RIT2: variants seen among roughly 807,000 people sequenced by gnomAD.
The protein encoded by RIT2 is GTP-binding protein Rit2.
RIT2 carries 24 observed loss-of-function variants against 23.7 expected under a neutral mutation model. The ratio of observed to expected loss-of-function variants is 1.01; its 90% CI spans 0.73 to 1.43. The LOEUF is 1.43. RIT2 is among the 40% of genes most tolerant of loss of function. The pLI, the probability that RIT2 is intolerant of heterozygous loss-of-function variation, is 0.00. For synonymous variants in RIT2, 107 were observed against 91.1 expected (o/e 1.17, Z -0.99); for missense variants, 236 against 266.9 (o/e 0.88, Z 0.81).
At chr18:43,089,647 G>A (rs527362277) in intron 1 of RIT2, among the ~76,000 whole-genome samples, 86 of 151,846 alleles carry the variant, frequency 5.7e-4, no homozygotes, top group African/African-American at 2.0e-3. Flanking sequence ...TATATTACAG[G>A]GCTACAGTAA....
intron 4 of RIT2, among the ~76,000 whole-genome samples, chr18:42,758,628 C>T (rs1331751442): frequency 1.3e-5 from 2 of 152,032 alleles, no homozygotes; most frequent in Admixed American, 6.6e-5. Flanking sequence ...ATTCTCCTGC[C>T]TCAGCCTCTC....
chr18:42,883,977 T>C (rs1377960768), intron 4 of RIT2, among the ~76,000 whole-genome samples: 2 of 152,270 alleles, frequency 1.3e-5, no homozygotes, highest in East Asian at 3.9e-4. Context: ...TTAAAAAGCT[T>C]AAAACATTTG....
intron 4 of RIT2, among the ~76,000 whole-genome samples, chr18:42,769,737 G>A (rs1913504545): frequency 6.6e-6 from 1 of 151,572 alleles, no homozygotes; most frequent in Non-Finnish European, 1.5e-5. Flanking sequence ...AAAGAAAGAT[G>A]TCTTACTTCC....
chr18:42,855,767 A>G (rs1317562707), intron 4 of RIT2, among the ~76,000 whole-genome samples: 4 of 152,218 alleles, frequency 2.6e-5, no homozygotes, highest in Admixed American at 6.5e-5. Context: ...TCTATTTTAT[A>G]TAGCATATAG....
chr18:42,928,735 T>C (rs778790875), intron 3 of RIT2, among the ~76,000 whole-genome samples: 36 of 151,972 alleles, frequency 2.4e-4, no homozygotes, highest in Non-Finnish European at 4.1e-4. Flanking sequence ...TTAAACTGGT[T>C]ATGTCAATTT....
intron 4 of RIT2, among the ~76,000 whole-genome samples, chr18:42,863,527 A>G (rs1313226317): frequency 1.3e-5 from 2 of 152,192 alleles, no homozygotes; most frequent in Non-Finnish European, 2.9e-5. Flanking sequence ...TTCACTAAAG[A>G]AAAACGATCT....
chr18:42,801,374 C>G (rs532452579), intron 4 of RIT2, among the ~76,000 whole-genome samples: 2 of 152,238 alleles, frequency 1.3e-5, no homozygotes, highest in Non-Finnish European at 1.5e-5. Flanking sequence ...AGCTCAGTTA[C>G]GTATCTATTC....
intron 2 of RIT2, among the ~76,000 whole-genome samples, chr18:42,987,357 T>C (rs1257501197): frequency 6.6e-6 from 1 of 152,158 alleles, no homozygotes; most frequent in Non-Finnish European, 1.5e-5. Flanking sequence ...ATTATTCCAT[T>C]GCCATGGGAA....
chr18:43,043,897 CA>C (rs1293558897), intron 1 of RIT2, among the ~76,000 whole-genome samples: 2 of 152,108 alleles, frequency 1.3e-5, no homozygotes, highest in African/African-American at 4.8e-5. Flanking sequence ...CACATATTTA[CA>C]AACATTTTCT....
At position 42,923,765 on chromosome 18, in the gene RIT2, T is replaced by C; in HGVS notation, c.235-2A>G. 6.5e-7 allele frequency: 1 copy of C among 1,548,524 alleles called. No homozygotes were observed. The highest frequency in any genetic ancestry group is 8.6e-7 in the Non-Finnish European group (1 of 1,159,262). ...CTCCCGCATGGCTGTGAATTCTGCC[T>C]GCAGGAAAAAAAAAAAAAAATTAGT... is the stretch of plus-strand genomic sequence containing the variant. On this transcript the variant is annotated splice_acceptor_variant, in intron 3 of 4. Transcript: ENST00000326695. LOFTEE classifies it high-confidence loss of function.
intron 2 of RIT2, among the ~76,000 whole-genome samples, chr18:43,006,453 T>G (rs969037353): frequency 6.6e-6 from 1 of 151,502 alleles, no homozygotes; most frequent in Admixed American, 6.6e-5. Flanking sequence ...TTAAATGAGT[T>G]AAAATGCATT....
chr18:43,055,488 G>C (rs1382495566), intron 1 of RIT2, among the ~76,000 whole-genome samples: 2 of 152,024 alleles, frequency 1.3e-5, no homozygotes, highest in African/African-American at 4.8e-5. Context: ...AATCAAAAGA[G>C]GGTGCCCATG....
At chr18:42,984,263 AGT>A (rs1263555278) in intron 2 of RIT2, among the ~76,000 whole-genome samples, 1 of 152,094 alleles carries the variant, frequency 6.6e-6, no homozygotes, top group African/African-American at 2.4e-5. Context: ...CAGGCAATAA[AGT>A]GTGTGCATCT....
chr18:42,956,602 T>A (rs1909975726), intron 3 of RIT2, among the ~76,000 whole-genome samples: 2 of 152,136 alleles, frequency 1.3e-5, no homozygotes, highest in Admixed American at 6.6e-5. Context: ...GAGAAATGCA[T>A]CTGTGGTCAA....
intron 4 of RIT2, among the ~76,000 whole-genome samples, chr18:42,833,304 A>C (rs972793300): frequency 1.1e-4 from 16 of 152,088 alleles, no homozygotes; most frequent in Admixed American, 9.8e-4. Context: ...TGTTGCTGCA[A>C]ATTATAGGAT....
At chr18:42,775,882 G>T (rs1626483) in intron 4 of RIT2, among the ~76,000 whole-genome samples, 1 of 151,074 alleles carries the variant, frequency 6.6e-6, no homozygotes, top group African/African-American at 2.4e-5. Context: ...CACACACACA[G>T]AGATGTAAAT....
chr18:42,987,327 G>A (rs777816403), intron 2 of RIT2, among the ~76,000 whole-genome samples: 1 of 152,160 alleles, frequency 6.6e-6, no homozygotes, highest in Non-Finnish European at 1.5e-5. Flanking sequence ...AGCATGTGCA[G>A]TATGGCTCAG....
intron 2 of RIT2, among the ~76,000 whole-genome samples, chr18:42,981,467 C>A (rs114087752): frequency 1.3e-5 from 2 of 152,070 alleles, no homozygotes; most frequent in Non-Finnish European, 2.9e-5. Flanking sequence ...ATGAGAATAT[C>A]TAGCGACAAA....
chr18:42,801,928 C>T (rs1045467120), intron 4 of RIT2, among the ~76,000 whole-genome samples: 2 of 152,218 alleles, frequency 1.3e-5, no homozygotes, highest in Admixed American at 1.3e-4. Context: ...AACTGGGCTT[C>T]TGCTCAATGT....
Sources: gnomAD v4.1 joint callset for allele counts (sites outside exome capture counted in the v4.1 genomes callset) on GRCh38, gnomAD v4.1.1 for gene constraint, MANE v1.5 for transcripts, NCBI Gene and HGNC (gene_info 2026-07-23, HGNC 2026-07-21) for gene names.